The following CAST variants were observed in gnomAD, a reference collection of about 807,000 sequenced individuals.
The protein encoded by CAST is MIR583 host.
A neutral mutation model predicts 119.6 loss-of-function variants in CAST; 76 were observed. The ratio of observed to expected loss-of-function variants is 0.64; its 90% confidence interval spans 0.53 to 0.77. The LOEUF (loss-of-function observed/expected upper bound fraction) is 0.77. Ranked by LOEUF, CAST falls within the 30% of genes least tolerant of loss-of-function variation. The probability of loss-of-function intolerance (pLI) is 0.00; values close to 1 mark genes in which losing one functional copy is unlikely to be tolerated. For missense variants in CAST, 953 were observed against 946.5 expected, an observed-to-expected ratio of 1.01 and a Z score of -0.09; for synonymous variants, 319 against 331.6, an observed-to-expected ratio of 0.96 and a Z score of 0.41.
At chr5:96,309,076 T>A in the CAST span, among the ~76,000 whole-genome samples, 19 of 152,218 alleles carry the variant, frequency 1.2e-4, no homozygotes, top group African/African-American at 4.1e-4. Context: ...TTCCCCCAGA[T>A]GCTTTGTCCC....
the CAST span, among the ~76,000 whole-genome samples, chr5:96,072,046 AAACTT>A: frequency 6.6e-6 from 1 of 152,216 alleles, no homozygotes; most frequent in Non-Finnish European, 1.5e-5. Context: ...TTAGAAAAGA[AAACTT>A]AAATTGATAA....
chr5:96,321,417 G>C, the CAST span, among the ~76,000 whole-genome samples: 1 of 152,206 alleles, frequency 6.6e-6, no homozygotes. Context: ...AAACAGTATT[G>C]CATATTCTGA....
At chr5:96,297,817 C>T in the CAST span, among the ~76,000 whole-genome samples, 1 of 152,016 alleles carries the variant, frequency 6.6e-6, no homozygotes, top group South Asian at 2.1e-4. Flanking sequence ...AATTTTTCTT[C>T]ATAGTTTATG....
the CAST span, among the ~76,000 whole-genome samples, chr5:96,023,551 C>T: frequency 6.6e-6 from 1 of 152,072 alleles, no homozygotes; most frequent in Non-Finnish European, 1.5e-5. Flanking sequence ...CTTTCAGAGT[C>T]TCTGAAACAT....
chr5:96,456,809 G>A, the CAST span, among the ~76,000 whole-genome samples: 14 of 152,298 alleles, frequency 9.2e-5, no homozygotes, highest in Non-Finnish European at 1.8e-4. Context: ...GGGACCAGGT[G>A]GAGATAACTG....
the CAST span, among the ~76,000 whole-genome samples, chr5:96,206,412 T>G: frequency 6.6e-6 from 1 of 152,278 alleles, no homozygotes; most frequent in Middle Eastern, 3.4e-3. Flanking sequence ...TCCTAGGTTT[T>G]CTTCTGGGAT....
the CAST span, among the ~76,000 whole-genome samples, chr5:96,124,270 C>T: frequency 6.6e-6 from 1 of 152,098 alleles, no homozygotes; most frequent in African/African-American, 2.4e-5. Flanking sequence ...TGGTACACTG[C>T]AGCCCCAAAC....
the CAST span, chr5:95,961,477 GCCAGCCACGGCTCCGCCGGCCCCGCAC>G: frequency 1.9e-5 from 25 of 1,326,174 alleles, 1 homozygote; most frequent in Middle Eastern, 1.7e-3. Flanking sequence ...GGTAGCAGCT[GCCAGCCACGGCTCCGCCGGCCCCGCAC>G]CCGGGCGCGG....
chr5:96,387,647 A>G, the CAST span, among the ~76,000 whole-genome samples: 1 of 151,986 alleles, frequency 6.6e-6, no homozygotes, highest in Non-Finnish European at 1.5e-5. Flanking sequence ...CTCAAATGAT[A>G]CTCTTTTCTA....
the CAST span, among the ~76,000 whole-genome samples, chr5:96,370,821 C>T: frequency 3.3e-5 from 5 of 152,162 alleles, no homozygotes; most frequent in East Asian, 9.6e-4. Flanking sequence ...CATCTAATTC[C>T]TATTTTGCCC....
chr5:96,122,376 T>A, the CAST span, among the ~76,000 whole-genome samples: 1 of 150,926 alleles, frequency 6.6e-6, no homozygotes, highest in Non-Finnish European at 1.5e-5. Flanking sequence ...GCTGAGATAC[T>A]TTTTTTCCTT....
At chr5:96,516,997 C>T in the CAST span, among the ~76,000 whole-genome samples, 2 of 152,168 alleles carry the variant, frequency 1.3e-5, no homozygotes, top group African/African-American at 2.4e-5. Flanking sequence ...GCAATCATCT[C>T]GATTTCCCCA....
At chr5:96,308,977 C>A in the CAST span, 38 of 152,288 alleles carry the variant, frequency 2.5e-4, no homozygotes, top group Admixed American at 3.9e-4. Flanking sequence ...TATCATAGCT[C>A]GAACACTGTG....
At chr5:96,412,590 A>G in the CAST span, 1 of 1,161,826 alleles carries the variant, frequency 8.6e-7, no homozygotes, top group Non-Finnish European at 1.2e-6. Flanking sequence ...AAGGATTTTA[A>G]GAGTCAAAAA....
At chr5:96,311,739 CT>C in the CAST span, among the ~76,000 whole-genome samples, 7 of 150,812 alleles carry the variant, frequency 4.6e-5, no homozygotes, top group African/African-American at 1.5e-4. Context: ...AACAAAAATT[CT>C]TTTTTTTTCT....
At chr5:95,967,620 G>C in the CAST span, among the ~76,000 whole-genome samples, 1 of 152,048 alleles carries the variant, frequency 6.6e-6, no homozygotes, top group Non-Finnish European at 1.5e-5. Context: ...CACAAGATCT[G>C]ATGGTTTTAT....
chr5:96,548,454 C>A (rs1746057320), intron 1 of CAST, among the ~76,000 whole-genome samples: 1 of 152,074 alleles, frequency 6.6e-6, no homozygotes, highest in African/African-American at 2.4e-5. Flanking sequence ...TAGCTACCAC[C>A]AAGGATCCTG....
intron 1 of CAST, among the ~76,000 whole-genome samples, chr5:96,551,777 T>C (rs1467365339): frequency 6.6e-6 from 1 of 152,076 alleles, no homozygotes; most frequent in Non-Finnish European, 1.5e-5. Flanking sequence ...TTCTGTTCTC[T>C]AATAAAACAG....
Position 96,741,660 on chromosome 5 carries a change from AC to A in CAST, c.1098+83del. The A allele has an allele frequency of 1.1e-5, 10 of 881,704 alleles. No individual in the cohort carries two copies. In the South Asian group the frequency reaches 1.3e-4, roughly 12 times the overall value. The allele number at this position is 881,704 out of a possible 1,614,324, so 54.6% of individuals were successfully genotyped here. ...TTCAGGAAACTGCCAGTAGCACATA[AC>A]CCATGATGAGAAGCCATGATTTTTT... On this transcript the variant is annotated intron_variant, in intron 15 of 31. Coordinates refer to ENST00000675179, the MANE Select transcript of CAST (RefSeq NM_001750.7).
Sources: gnomAD v4.1 joint callset for allele counts (sites outside exome capture counted in the v4.1 genomes callset) on GRCh38, gnomAD v4.1.1 for gene constraint, MANE v1.5 for transcripts, NCBI Gene and HGNC (gene_info 2026-07-23, HGNC 2026-07-21) for gene names.